MICU1: variants seen among roughly 807,000 people sequenced by gnomAD.
The protein encoded by MICU1 is calcium uptake protein 1, mitochondrial.
In MICU1, 45 loss-of-function variants were observed where a neutral mutation model predicts 56.8. That is an observed-to-expected ratio of 0.79 (90% confidence interval 0.62 to 1.02). The LOEUF (loss-of-function observed/expected upper bound fraction) is 1.02. Among genes scored for constraint, MICU1 ranks in the 50% least tolerant of loss-of-function variants. MICU1 has a pLI of 0.00. For synonymous variants in MICU1, 186 were observed against 195.1 expected, an observed-to-expected ratio of 0.95 and a Z score of 0.39; for missense variants, 504 against 587.1, an observed-to-expected ratio of 0.86 and a Z score of 1.46.
At chr10:72,567,690 C>T (rs1312270553) in intron 1 of MICU1, among the ~76,000 whole-genome samples, 6 of 152,186 alleles carry the variant, frequency 3.9e-5, no homozygotes, top group Non-Finnish European at 8.8e-5. Flanking sequence ...GGCAGTTTCA[C>T]TAGGAAATTG....
intron 6 of MICU1, among the ~76,000 whole-genome samples, chr10:72,495,978 T>A (rs1253762417): frequency 6.6e-6 from 1 of 152,056 alleles, no homozygotes. Flanking sequence ...GAATTTTTTT[T>A]TTTTTTGAGA....
chr10:72,435,050 G>C (rs1308616292), intron 8 of MICU1, among the ~76,000 whole-genome samples: 1 of 151,972 alleles, frequency 6.6e-6, no homozygotes, highest in Admixed American at 6.6e-5. Context: ...ATCCATAGTT[G>C]ATTATCTCCT....
At chr10:72,394,432 C>T (rs1447514213) in intron 10 of MICU1, among the ~76,000 whole-genome samples, 1 of 152,042 alleles carries the variant, frequency 6.6e-6, no homozygotes, top group Non-Finnish European at 1.5e-5. Context: ...TCATAACCAG[C>T]CTGGCCAATG....
Position 72,550,893 on chromosome 10 carries a change from G to A in MICU1, c.493+286C>T, listed in dbSNP as rs11812132. ...ACTAAAGAGTGACTTGATAGCAGTTGTATGTGTAATGTATTGCCTTCGAGA... is the reference window on the plus strand; with the variant it reads ...ACTAAAGAGTGACTTGATAGCAGTTATATGTGTAATGTATTGCCTTCGAGA... On this transcript the variant is annotated intron_variant, in intron 4 of 11. Transcript: ENST00000361114. 0.63 allele frequency among the ~76,000 whole-genome samples: 95,670 copies of A among 152,044 alleles called. 31,623 individuals are homozygous for A. Among genetic ancestry groups the A allele is most frequent in the African/African-American group, 0.72 (29,914 of 41,486 alleles).
rs78621556 is a variant in MICU1, at chr10:72,481,859, C to A, written c.653-4603G>T. 2.8e-3 allele frequency among the ~76,000 whole-genome samples: 420 copies of A among 152,292 alleles called. 3 individuals are homozygous for A. The highest frequency in any genetic ancestry group is 9.5e-3 in the African/African-American group (396 of 41,562). ...CTGATTAGAACAATAAGACCCTACA[C>A]AAAGTTTGTTACTATACACCTTTCA... On this transcript the variant is annotated intron_variant, in intron 6 of 11. Coordinates refer to ENST00000361114, the MANE Select transcript of MICU1 (RefSeq NM_001195518.2).
intron 6 of MICU1, among the ~76,000 whole-genome samples, chr10:72,505,535 A>G (rs1867216617): frequency 6.6e-6 from 1 of 152,212 alleles, no homozygotes; most frequent in Non-Finnish European, 1.5e-5. Context: ...AGATTTATTC[A>G]TAATAGCAAA....
intron 10 of MICU1, among the ~76,000 whole-genome samples, chr10:72,402,120 T>C (rs754532245): frequency 2.6e-5 from 4 of 151,462 alleles, no homozygotes; most frequent in Non-Finnish European, 5.9e-5. Context: ...AAGCTGAGAT[T>C]GATCAATGCT....
At chr10:72,444,367 TATA>T (rs1290519925) in intron 8 of MICU1, among the ~76,000 whole-genome samples, 9 of 151,636 alleles carry the variant, frequency 5.9e-5, no homozygotes, top group African/African-American at 9.7e-5. Context: ...AAACTTAAAG[TATA>T]ATAATAATAA....
At chr10:72,586,974 A>G (rs1841079704) in intron 1 of MICU1, among the ~76,000 whole-genome samples, 2 of 152,182 alleles carry the variant, frequency 1.3e-5, no homozygotes, top group Non-Finnish European at 2.9e-5. Flanking sequence ...CTAAACTTCA[A>G]AATAATACTA....
intron 8 of MICU1, among the ~76,000 whole-genome samples, chr10:72,430,481 G>A (rs983865763): frequency 1.3e-5 from 2 of 151,960 alleles, no homozygotes; most frequent in African/African-American, 2.4e-5. Flanking sequence ...CAAACACCAC[G>A]AGCCTCCCAC....
At chr10:72,559,480 T>C (rs956781011) in intron 3 of MICU1, among the ~76,000 whole-genome samples, 2 of 151,794 alleles carry the variant, frequency 1.3e-5, no homozygotes, top group African/African-American at 4.8e-5. Flanking sequence ...TCTCTGAATA[T>C]TTGAAATATT....
At chr10:72,403,274 C>T (rs112586441) in intron 10 of MICU1, among the ~76,000 whole-genome samples, 2 of 151,902 alleles carry the variant, frequency 1.3e-5, no homozygotes, top group African/African-American at 4.8e-5. Context: ...CAGAGAACTG[C>T]TTGAATCTGG....
At chr10:72,409,347 A>G (rs964828054) in intron 9 of MICU1, among the ~76,000 whole-genome samples, 1 of 152,174 alleles carries the variant, frequency 6.6e-6, no homozygotes, top group African/African-American at 2.4e-5. Context: ...CTTTCCTGGT[A>G]CTCTCCAAAC....
At chr10:72,514,485 A>G (rs1867585116) in intron 5 of MICU1, among the ~76,000 whole-genome samples, 1 of 152,030 alleles carries the variant, frequency 6.6e-6, no homozygotes, top group African/African-American at 2.4e-5. Flanking sequence ...TGTTGTTGCT[A>G]CTTACTGTGG....
intron 1 of MICU1, among the ~76,000 whole-genome samples, chr10:72,625,496 A>G (rs1291907767): frequency 6.6e-6 from 1 of 152,254 alleles, no homozygotes; most frequent in African/African-American, 2.4e-5. Context: ...AAGGCGCTGG[A>G]AAAGATAAAA....
chr10:72,382,199 TC>T (rs1329169973), intron 10 of MICU1, among the ~76,000 whole-genome samples: 4 of 150,504 alleles, frequency 2.7e-5, no homozygotes, highest in Non-Finnish European at 5.9e-5. Flanking sequence ...CAACCTCGCC[TC>T]CCGGGTTTAA....
rs552852935 is a variant in MICU1, at chr10:72,572,170, G to A, written c.-1-5376C>T. ...CTCACTGGTAAAATGAAAGAATTGC[G>A]TAGGTGAGCTTAGGGTTCCTTTTAT... On this transcript the variant is annotated intron_variant, in intron 1 of 11. Coordinates refer to ENST00000361114, the MANE Select transcript of MICU1 (RefSeq NM_001195518.2). Among the ~76,000 whole-genome samples, 365 of 151,972 alleles carry A rather than the reference G, an allele frequency of 2.4e-3. 1 individual carries two copies. Among genetic ancestry groups the A allele is most frequent in the African/African-American group, 8.1e-3 (336 of 41,430 alleles).
chr10:72,569,233 A>ATTTTTT lies in MICU1; in HGVS notation c.-1-2440_-1-2439insAAAAAA, dbSNP rs1231227018. On this transcript the variant is annotated intron_variant, in intron 1 of 11. Coordinates refer to ENST00000361114, the MANE Select transcript of MICU1 (RefSeq NM_001195518.2). Reference sequence around the variant, plus strand: ...TATATATATATATATATATATATATATATATTTTTTTTTTTTTTTGAGATG... The same window carrying ATTTTTT: ...TATATATATATATATATATATATATATTTTTTTATATTTTTTTTTTTTTTTGAGATG... Among the ~76,000 whole-genome samples the ATTTTTT allele has an allele frequency of 8.2e-3, 330 of 40,256 alleles. 4 individuals carry two copies. Among genetic ancestry groups the ATTTTTT allele is most frequent in the Non-Finnish European group, 0.011 (220 of 19,524 alleles). 26.4% of individuals were successfully genotyped at this position (40,256 alleles called of 152,430 possible).
intron 1 of MICU1, among the ~76,000 whole-genome samples, chr10:72,567,967 A>G (rs904840267): frequency 1.3e-5 from 2 of 152,184 alleles, no homozygotes; most frequent in African/African-American, 4.8e-5. Context: ...TTACAGATCT[A>G]AAATATAACT....
Sources: allele counts gnomAD v4.1 joint callset (sites outside exome capture counted in the v4.1 genomes callset), GRCh38; gene constraint gnomAD v4.1.1; transcripts MANE v1.5; gene names NCBI Gene and HGNC (gene_info 2026-07-23, HGNC 2026-07-21).